MED12L: variants seen among roughly 807,000 people sequenced by gnomAD.
MED12L encodes the protein mediator of RNA polymerase II transcription subunit 12-like protein.
In MED12L, 60 loss-of-function variants were observed where a neutral mutation model predicts 281.3. The observed-to-expected ratio is 0.21, with a 90% CI of 0.17 to 0.26. The LOEUF is 0.26. MED12L is among the 10% of genes least tolerant of loss of function. The pLI is 1.00. For synonymous variants in MED12L, 974 were observed against 987.2 expected, an observed-to-expected ratio of 0.99 and a Z score of 0.25; for missense variants, 2,146 against 2,680.9, an observed-to-expected ratio of 0.80 and a Z score of 4.41.
At chr3:151,186,775 G>T (rs1723340896) in intron 12 of MED12L, among the ~76,000 whole-genome samples, 1 of 152,206 alleles carries the variant, frequency 6.6e-6, no homozygotes, top group African/African-American at 2.4e-5. Context: ...TTTCCTTGTT[G>T]CAGTGCACAT....
At chr3:151,237,459 C>G (rs1183266965) in intron 16 of MED12L, among the ~76,000 whole-genome samples, 1 of 138,854 alleles carries the variant, frequency 7.2e-6, no homozygotes, top group African/African-American at 2.7e-5. Context: ...AAGCGATTCT[C>G]CTGCCTCCGC....
intron 16 of MED12L, among the ~76,000 whole-genome samples, chr3:151,200,092 C>G (rs1725316760): frequency 6.6e-6 from 1 of 152,320 alleles, no homozygotes; most frequent in East Asian, 1.9e-4. Flanking sequence ...CTGACTTCAA[C>G]ACTTGAGTCG....
At chr3:151,190,463 C>T (rs1012893853) in intron 13 of MED12L, among the ~76,000 whole-genome samples, 2 of 152,080 alleles carry the variant, frequency 1.3e-5, no homozygotes. Flanking sequence ...TGAGCCACTG[C>T]ACCCAGCCAG....
At chr3:151,357,650 A>G (rs1352178325) in intron 20 of MED12L, among the ~76,000 whole-genome samples, 8 of 152,130 alleles carry the variant, frequency 5.3e-5, no homozygotes, top group Non-Finnish European at 1.0e-4. Flanking sequence ...ATAGCACTCT[A>G]CGGTTAATGT....
At chr3:151,134,100 G>C (rs1212190323) in intron 5 of MED12L, among the ~76,000 whole-genome samples, 1 of 152,036 alleles carries the variant, frequency 6.6e-6, no homozygotes, top group South Asian at 2.1e-4. Context: ...GGTTGAATCA[G>C]CTCCCGATGT....
At chr3:151,239,385 G>C (rs1466302156) in intron 16 of MED12L, among the ~76,000 whole-genome samples, 1 of 152,202 alleles carries the variant, frequency 6.6e-6, no homozygotes, top group South Asian at 2.1e-4. Flanking sequence ...TTATTTATCT[G>C]TATGGGATTG....
chr3:151,366,515 T>C (rs1755293455), intron 23 of MED12L, among the ~76,000 whole-genome samples: 1 of 152,208 alleles, frequency 6.6e-6, no homozygotes, highest in African/African-American at 2.4e-5. Context: ...AGATACCCCT[T>C]GTATATATCA....
At chr3:151,361,750 A>G (rs944275702) in intron 21 of MED12L, among the ~76,000 whole-genome samples, 14 of 152,116 alleles carry the variant, frequency 9.2e-5, no homozygotes, top group African/African-American at 3.4e-4. Context: ...CCCCACTCAG[A>G]ACATTCTTTC....
chr3:151,189,554 G>C (rs552411083), intron 13 of MED12L, among the ~76,000 whole-genome samples: 2 of 152,294 alleles, frequency 1.3e-5, no homozygotes, highest in Admixed American at 1.3e-4. Context: ...CCTTACTCCT[G>C]TGTCTTTGCT....
intron 16 of MED12L, among the ~76,000 whole-genome samples, chr3:151,277,355 A>T (rs1191640071): frequency 2.0e-5 from 3 of 152,202 alleles, no homozygotes; most frequent in African/African-American, 7.2e-5. Flanking sequence ...TTTACAAATC[A>T]TAAAATATGC....
chr3:151,366,061 CT>C (rs568744158), intron 23 of MED12L, 70 bp downstream of exon 23: 854 of 1,292,334 alleles, frequency 6.6e-4, no homozygotes, highest in Non-Finnish European at 8.4e-4. Context: ...AATCTTTTTG[CT>C]TTTGGCTTTT....
intron 16 of MED12L, among the ~76,000 whole-genome samples, chr3:151,222,949 C>G (rs372415042): frequency 2.2e-4 from 34 of 152,088 alleles, no homozygotes; most frequent in African/African-American, 5.3e-4. Context: ...TTTATGGTCT[C>G]TTGGAAATGT....
chr3:151,385,680 C>A (rs1325027055), intron 36 of MED12L, among the ~76,000 whole-genome samples: 1 of 150,874 alleles, frequency 6.6e-6, no homozygotes, highest in East Asian at 1.9e-4. Flanking sequence ...GCCACTACAC[C>A]CTAGCCTGGG....
intron 16 of MED12L, among the ~76,000 whole-genome samples, chr3:151,256,581 G>A (rs1737850714): frequency 6.6e-6 from 1 of 150,594 alleles, no homozygotes; most frequent in Admixed American, 6.7e-5. Context: ...AAAACATGTG[G>A]TCCTAAAGTA....
intron 11 of MED12L, among the ~76,000 whole-genome samples, chr3:151,180,590 C>T (rs1722591203): frequency 6.6e-6 from 1 of 152,182 alleles, no homozygotes; most frequent in African/African-American, 2.4e-5. Flanking sequence ...GCACATTCTG[C>T]CTCCCAAACC....
intron 16 of MED12L, among the ~76,000 whole-genome samples, chr3:151,321,167 C>T (rs909392341): frequency 2.6e-5 from 4 of 152,186 alleles, no homozygotes; most frequent in African/African-American, 9.7e-5. Context: ...TTTTAGAAAG[C>T]TTCTGGTTTC....
At chr3:151,229,454 G>A (rs1018581454) in intron 16 of MED12L, among the ~76,000 whole-genome samples, 2 of 141,804 alleles carry the variant, frequency 1.4e-5, no homozygotes, top group Non-Finnish European at 3.1e-5. Flanking sequence ...CTACAGGCTC[G>A]TGCCACCATG....
At chr3:151,414,181 T>A (rs941498167) in intron 42 of MED12L, among the ~76,000 whole-genome samples, 1 of 152,180 alleles carries the variant, frequency 6.6e-6, no homozygotes, top group Non-Finnish European at 1.5e-5. Flanking sequence ...TCTGACTTGC[T>A]TATTTAAAAA....
chr3:151,218,882 AAAAAAAAAAAAAAAAG>A (rs1454227043), intron 16 of MED12L, among the ~76,000 whole-genome samples: 5 of 146,726 alleles, frequency 3.4e-5, no homozygotes, highest in African/African-American at 1.1e-4. Context: ...AAAAAAAAAA[AAAAAAAAAAAAAAAAG>A]AGGGGGGGTA....
Sources: allele counts gnomAD v4.1 joint callset (sites outside exome capture counted in the v4.1 genomes callset), GRCh38; gene constraint gnomAD v4.1.1; transcripts MANE v1.5; gene names NCBI Gene and HGNC (gene_info 2026-07-23, HGNC 2026-07-21).